The following PTPRZ1 variants were observed in gnomAD, a reference collection of about 807,000 sequenced individuals.
PTPRZ1 encodes receptor-type tyrosine-protein phosphatase zeta.
A neutral mutation model predicts 214.1 loss-of-function variants in PTPRZ1; 82 were observed. That is an observed-to-expected ratio of 0.38 (90% CI 0.32 to 0.46). PTPRZ1 has a LOEUF of 0.46. Ranked by LOEUF, PTPRZ1 falls within the 20% of genes least tolerant of loss-of-function variation. PTPRZ1 has a pLI of 1.00. For synonymous variants in PTPRZ1, 945 were observed against 987.9 expected (o/e 0.96, Z 0.81); for missense variants, 2,603 against 2,748.7 (o/e 0.95, Z 1.19).
At chr7:122,008,603 TG>T (rs1347378754) in intron 11 of PTPRZ1, among the ~76,000 whole-genome samples, 1 of 152,122 alleles carries the variant, frequency 6.6e-6, no homozygotes, top group African/African-American at 2.4e-5. Context: ...GTGTCTTTGG[TG>T]GCTTCTATTT....
At chr7:122,034,866 T>C (rs1372874261) in intron 17 of PTPRZ1, among the ~76,000 whole-genome samples, 3 of 152,190 alleles carry the variant, frequency 2.0e-5, no homozygotes, top group Non-Finnish European at 2.9e-5. Context: ...TTTCTTTCTC[T>C]TTGTTTTCTT....
Position 122,059,825 on chromosome 7 carries a change from C to T in PTPRZ1, c.6744C>T (p.Ser2248=), listed in dbSNP as rs148476404. ...TLMHQLEKEN[S]VDVYQVAKMI... is the part of the protein sequence containing the mutation. ...TGCACCAACTAGAAAAAGAAAATTC[C>T]GTGGATGTTTACCAGGTAGCCAAGA... Residue 2248 remains serine, a synonymous_variant, in exon 29 of 30, where the codon TCC becomes TCT. Transcript: ENST00000393386. 845 of 1,613,450 alleles carry T rather than the reference C, an allele frequency of 5.2e-4. 2 individuals are homozygous for T. The Middle Eastern group carries it at 0.01, about 20-fold the overall frequency.
chr7:122,028,335 G>A, intron 13 of PTPRZ1: 1 of 403,660 alleles, frequency 2.5e-6, no homozygotes, highest in Non-Finnish European at 4.5e-6. Flanking sequence ...ATATCTACTT[G>A]CTCTTCTGCA....
At chr7:121,958,529 T>C (rs1796778969) in intron 2 of PTPRZ1, among the ~76,000 whole-genome samples, 1 of 152,204 alleles carries the variant, frequency 6.6e-6, no homozygotes, top group Admixed American at 6.5e-5. Context: ...ATTTCACCCA[T>C]ATCTGTGGTT....
At chr7:121,916,809 G>A (rs1304543953) in intron 1 of PTPRZ1, among the ~76,000 whole-genome samples, 2 of 152,202 alleles carry the variant, frequency 1.3e-5, no homozygotes, top group African/African-American at 4.8e-5. Context: ...AAGACTTGAA[G>A]ATAAGCATGT....
chr7:122,010,215 T>C lies in PTPRZ1; in HGVS notation c.1288-119T>C, dbSNP rs1327893361. 9.7e-5 allele frequency: 93 copies of C among 957,192 alleles called. No homozygotes were observed. The East Asian group carries it at 2.4e-3, about 25-fold the overall frequency. 59.3% of individuals were successfully genotyped at this position (957,192 alleles called of 1,614,324 possible). A position where few individuals can be genotyped will look rare whatever the true frequency, so the allele number is the denominator to read the frequency against. On this transcript the variant is annotated intron_variant, in intron 11 of 29. Transcript: ENST00000393386. The stretch of plus-strand genomic sequence containing the variant: ...GAGGTATGCATTGTACAGAATGGTG[T>C]TTTATGAGGATGAGAAGTTCCCAAG...
chr7:121,910,573 G>A (rs1795242207), intron 1 of PTPRZ1, among the ~76,000 whole-genome samples: 1 of 150,786 alleles, frequency 6.6e-6, no homozygotes, highest in Non-Finnish European at 1.5e-5. Context: ...ATGGTGCTTG[G>A]CATACAGTAT....
At chr7:121,875,908 G>T (rs1794044466) in intron 1 of PTPRZ1, among the ~76,000 whole-genome samples, 1 of 152,184 alleles carries the variant, frequency 6.6e-6, no homozygotes, top group South Asian at 2.1e-4. Context: ...AGCCAATGAG[G>T]TAGCCTGACA....
At chr7:121,899,551 TC>T (rs1466323881) in intron 1 of PTPRZ1, among the ~76,000 whole-genome samples, 1 of 152,222 alleles carries the variant, frequency 6.6e-6, no homozygotes, top group African/African-American at 2.4e-5. Flanking sequence ...TTATCTAGTT[TC>T]TTTCAGGCTA....
chr7:121,950,648 A>G (rs913638868), intron 2 of PTPRZ1, among the ~76,000 whole-genome samples: 2 of 152,196 alleles, frequency 1.3e-5, no homozygotes, highest in African/African-American at 2.4e-5. Context: ...TTCAAAACCT[A>G]TACTGAGACC....
Position 122,050,456 on chromosome 7 carries a change from A to AGG in PTPRZ1, c.6085-972_6085-971insGG, listed in dbSNP as rs1393426649. ...ATTGAAGGGGAGGAGAGGGGAGGGA[A>AGG]AAGGAGAGGAGGGGAGGGGAGGAAA... is the stretch of plus-strand genomic sequence containing the variant. On this transcript the variant is annotated intron_variant, in intron 23 of 29. Transcript: ENST00000393386. Among the ~76,000 whole-genome samples the AGG allele has an allele frequency of 7.4e-3, 943 of 128,028 alleles. 1 individual carries two copies. Among genetic ancestry groups the AGG allele is most frequent in the Non-Finnish European group, 9.3e-3 (549 of 58,954 alleles). 84.0% of individuals were successfully genotyped at this position (128,028 alleles called of 152,430 possible). A position where few individuals can be genotyped will look rare whatever the true frequency, so the allele number is the denominator to read the frequency against.
At chr7:121,912,685 A>G (rs934179032) in intron 1 of PTPRZ1, among the ~76,000 whole-genome samples, 3 of 152,168 alleles carry the variant, frequency 2.0e-5, no homozygotes, top group African/African-American at 4.8e-5. Flanking sequence ...AAAATCCTGG[A>G]GAAGGTAGGA....
chr7:122,015,897 G>A (rs1562864435), intron 12 of PTPRZ1, among the ~76,000 whole-genome samples: 1 of 151,910 alleles, frequency 6.6e-6, no homozygotes. Context: ...ACAAGATTAG[G>A]GGAAAATTCT....
chr7:122,009,948 A>G (rs925289018), intron 11 of PTPRZ1, among the ~76,000 whole-genome samples: 2 of 152,178 alleles, frequency 1.3e-5, no homozygotes, highest in Admixed American at 6.6e-5. Flanking sequence ...TCTTATTACA[A>G]TAAGCTAATG....
rs767477737 is a variant in PTPRZ1, at chr7:122,033,585, T to C, written c.5167-510T>C. On this transcript the variant is annotated intron_variant, in intron 15 of 29. Coordinates refer to ENST00000393386, the MANE Select transcript of PTPRZ1 (RefSeq NM_002851.3). ...TTGTTTCAAAATGATGTAATGTGTA[T>C]GATTTTTAAAATTTTTAGGAAATGA... Among the ~76,000 whole-genome samples the C allele has an allele frequency of 3.9e-4, 59 of 152,200 alleles. 1 individual carries two copies. The highest frequency in any genetic ancestry group is 4.0e-4 in the Non-Finnish European group (27 of 67,960).
chr7:121,898,914 C>T (rs1487865658), intron 1 of PTPRZ1, among the ~76,000 whole-genome samples: 1 of 152,126 alleles, frequency 6.6e-6, no homozygotes, highest in African/African-American at 2.4e-5. Flanking sequence ...GGTGGCAGTG[C>T]ATGAGGAATT....
intron 2 of PTPRZ1, among the ~76,000 whole-genome samples, chr7:121,963,870 T>C (rs2116497290): frequency 6.6e-6 from 1 of 152,262 alleles, no homozygotes; most frequent in African/African-American, 2.4e-5. Context: ...TGGTCCACAC[T>C]CAGTGTAATC....
intron 9 of PTPRZ1, 122 bp downstream of exon 9, chr7:121,996,688 G>A: frequency 1.4e-6 from 1 of 703,434 alleles, no homozygotes; most frequent in South Asian, 4.2e-5. Flanking sequence ...TGAAGGTGGG[G>A]TAGGCTGAGT....
intron 21 of PTPRZ1, 121 bp downstream of exon 21, chr7:122,041,100 A>T: frequency 1.1e-6 from 1 of 917,374 alleles, no homozygotes; most frequent in East Asian, 2.8e-5. Context: ...TGATGAAATT[A>T]TATGTTCATT....
Sources: gnomAD v4.1 joint callset for allele counts (sites outside exome capture counted in the v4.1 genomes callset) on GRCh38, gnomAD v4.1.1 for gene constraint, MANE v1.5 for transcripts, NCBI Gene and HGNC (gene_info 2026-07-23, HGNC 2026-07-21) for gene names.